STK32A: variants seen among roughly 807,000 people sequenced by gnomAD.
STK32A encodes serine/threonine-protein kinase 32A.
In STK32A, 41 loss-of-function variants were observed where a neutral mutation model predicts 53.2. The ratio of observed to expected loss-of-function variants is 0.77; its 90% CI spans 0.60 to 1.00. The LOEUF (loss-of-function observed/expected upper bound fraction) is 1.00, where lower values mean the gene tolerates loss of function less well. Among genes scored for constraint, STK32A ranks in the 50% least tolerant of loss-of-function variants. STK32A has a pLI of 0.00. For missense variants in STK32A, 458 were observed against 485.8 expected, an observed-to-expected ratio of 0.94 and a Z score of 0.54; for synonymous variants, 166 against 162.8, an observed-to-expected ratio of 1.02 and a Z score of -0.15.
At chr5:147,357,701 G>T (rs975285415) in intron 7 of STK32A, among the ~76,000 whole-genome samples, 2 of 151,866 alleles carry the variant, frequency 1.3e-5, no homozygotes, top group African/African-American at 4.8e-5. Context: ...AGATGTGTTT[G>T]CTTAATATTT....
chr5:147,295,842 T>TAAA (rs77093177), intron 4 of STK32A, among the ~76,000 whole-genome samples: 1 of 151,156 alleles, frequency 6.6e-6, no homozygotes, highest in African/African-American at 2.4e-5. Context: ...TGAAACAAAG[T>TAAA]AAAAAAAAAT....
intron 7 of STK32A, among the ~76,000 whole-genome samples, chr5:147,357,036 T>C (rs1487247714): frequency 6.6e-6 from 1 of 152,196 alleles, no homozygotes; most frequent in Non-Finnish European, 1.5e-5. Flanking sequence ...ATGTGGGTAA[T>C]GTGAGGTAAG....
At chr5:147,373,320 T>A (rs771861285) in intron 10 of STK32A, 26 bp downstream of exon 10, 5 of 1,611,940 alleles carry the variant, frequency 3.1e-6, no homozygotes, top group South Asian at 2.2e-5. Flanking sequence ...CAAAGCCAAA[T>A]AACTCCCATT....
intron 2 of STK32A, among the ~76,000 whole-genome samples, chr5:147,243,152 T>C (rs1157053097): frequency 1.8e-5 from 1 of 54,898 alleles, no homozygotes; most frequent in Non-Finnish European, 4.1e-5. Context: ...TTTTTAAAAA[T>C]ATTTTCTTCA....
chr5:147,384,570 G>C lies in STK32A; in HGVS notation c.*587G>C. The C allele has an allele frequency of 1.5e-6, 1 of 657,864 alleles. No homozygotes were observed. Among genetic ancestry groups the C allele is most frequent in the South Asian group, 2.5e-5 (1 of 39,572 alleles). 40.8% of individuals were successfully genotyped at this position (657,864 alleles called of 1,614,324 possible). ...ATATGCGTGAATCAGCATTAGATCC[G>C]CTTATCTCAGCTGGCAGGAGCCTGC... On this transcript the variant is annotated 3_prime_UTR_variant, in exon 13 of 13. Transcript: ENST00000397936.
intron 2 of STK32A, among the ~76,000 whole-genome samples, chr5:147,258,393 C>T (rs967216701): frequency 9.2e-5 from 14 of 152,120 alleles, no homozygotes; most frequent in Non-Finnish European, 1.8e-4. Flanking sequence ...CTTATGGCTC[C>T]TTATAATCCT....
intron 2 of STK32A, among the ~76,000 whole-genome samples, chr5:147,277,630 A>T (rs1371851936): frequency 6.6e-6 from 1 of 152,206 alleles, no homozygotes; most frequent in Non-Finnish European, 1.5e-5. Context: ...GGCAAGGAGA[A>T]CATTTTAAAG....
At chr5:147,333,320 G>A (rs73797653) in intron 5 of STK32A, among the ~76,000 whole-genome samples, 2,284 of 152,260 alleles carry the variant, frequency 0.015, 51 homozygotes, top group African/African-American at 0.053. Context: ...GCATCTGTAC[G>A]ATGGTATAGA....
Position 147,239,623 on chromosome 5 carries a change from G to T in STK32A, c.-12G>T. Reference sequence around the variant, plus strand: ...GTATAAATCGAGGATCCAGGTCTGGGCAGATTCAACCATGGGAGCGAACAC... The same window carrying T: ...GTATAAATCGAGGATCCAGGTCTGGTCAGATTCAACCATGGGAGCGAACAC... On this transcript the variant is annotated 5_prime_UTR_variant, in exon 2 of 13. Transcript: ENST00000397936. 1 of 1,602,702 alleles carries T rather than the reference G, an allele frequency of 6.2e-7. No individual in the cohort carries two copies. Among genetic ancestry groups the T allele is most frequent in the Non-Finnish European group, 8.5e-7 (1 of 1,173,820 alleles).
At position 147,361,001 on chromosome 5, in the gene STK32A, GCTCCCTCTTTTCTCC is replaced by G. The variant is rs1756480225; in HGVS notation, c.563-508_563-494del. On this transcript the variant is annotated intron_variant, in intron 7 of 12. Coordinates refer to ENST00000397936, the MANE Select transcript of STK32A (RefSeq NM_001112724.2). ...AAACCTTACACTCTCCAGAATGCTT[GCTCCCTCTTTTCTCC>G]CTCCCTCATCCCCAACAGATGGCTG... 2.0e-5 allele frequency among the ~76,000 whole-genome samples: 3 copies of G among 152,292 alleles called. No individual in the cohort carries two copies. The South Asian group carries it at 6.2e-4, about 32-fold the overall frequency.
At chr5:147,284,365 C>T (rs757301438) in intron 4 of STK32A, among the ~76,000 whole-genome samples, 1 of 152,078 alleles carries the variant, frequency 6.6e-6, no homozygotes, top group Non-Finnish European at 1.5e-5. Context: ...AGTATGCCCA[C>T]TCTCACTGCT....
chr5:147,354,802 GA>G (rs1756141410), intron 7 of STK32A, among the ~76,000 whole-genome samples: 2 of 152,118 alleles, frequency 1.3e-5, no homozygotes. Flanking sequence ...AGATTAATGA[GA>G]AATAAAAATA....
chr5:147,255,018 T>C (rs1214737530), intron 2 of STK32A, among the ~76,000 whole-genome samples: 1 of 152,064 alleles, frequency 6.6e-6, no homozygotes, highest in Non-Finnish European at 1.5e-5. Flanking sequence ...CAGGCACCTG[T>C]AGTCCCAGCT....
intron 5 of STK32A, among the ~76,000 whole-genome samples, chr5:147,337,417 T>C (rs1426528769): frequency 6.6e-6 from 1 of 151,868 alleles, no homozygotes; most frequent in African/African-American, 2.4e-5. Context: ...AGTTGGCCAA[T>C]GGTAAATGTG....
At chr5:147,244,713 C>T (rs1753712315) in intron 2 of STK32A, among the ~76,000 whole-genome samples, 1 of 152,150 alleles carries the variant, frequency 6.6e-6, no homozygotes, top group Admixed American at 6.5e-5. Context: ...TAAATAATTA[C>T]TAATGAATTA....
intron 7 of STK32A, among the ~76,000 whole-genome samples, chr5:147,353,557 C>T (rs1047014138): frequency 1.1e-4 from 17 of 151,956 alleles, no homozygotes; most frequent in Admixed American, 2.6e-4. Context: ...ATCAAGAGAT[C>T]GAGACCAGCC....
At chr5:147,333,755 A>T (rs978110995) in intron 5 of STK32A, among the ~76,000 whole-genome samples, 14 of 152,132 alleles carry the variant, frequency 9.2e-5, no homozygotes, top group African/African-American at 2.4e-4. Flanking sequence ...GTTCCTTCTC[A>T]TACTCCAGGA....
At chr5:147,378,269 G>T (rs1561758282) in intron 11 of STK32A, among the ~76,000 whole-genome samples, 1 of 152,118 alleles carries the variant, frequency 6.6e-6, no homozygotes, top group Admixed American at 6.6e-5. Context: ...CATTTGATCT[G>T]GTTCCTCCAG....
At chr5:147,397,975 C>G in the STK32A span, 5 of 908,690 alleles carry the variant, frequency 5.5e-6, no homozygotes, top group African/African-American at 6.7e-5. Flanking sequence ...CACCATGCAT[C>G]TGCAAGCATC....
Sources: allele counts gnomAD v4.1 joint callset (sites outside exome capture counted in the v4.1 genomes callset), GRCh38; gene constraint gnomAD v4.1.1; transcripts MANE v1.5; gene names NCBI Gene and HGNC (gene_info 2026-07-23, HGNC 2026-07-21).